GAREM1: variants seen among roughly 807,000 people sequenced by gnomAD.
The protein encoded by GAREM1 is GRB2 associated regulator of MAPK1 subtype 1.
Under a neutral mutation model 71.3 loss-of-function variants are expected in GAREM1, and 26 were observed. The ratio of observed to expected loss-of-function variants is 0.36; its 90% CI spans 0.27 to 0.51. GAREM1 has a LOEUF of 0.51. GAREM1 is among the 20% of genes least tolerant of loss of function. The pLI, the probability that GAREM1 is intolerant of heterozygous loss-of-function variation, is 0.95. For missense variants in GAREM1, 1,026 were observed against 1,103.1 expected, an observed-to-expected ratio of 0.93 and a Z score of 0.99; for synonymous variants, 440 against 433.2, an observed-to-expected ratio of 1.02 and a Z score of -0.20.
intron 1 of GAREM1, among the ~76,000 whole-genome samples, chr18:32,399,077 T>A (rs916617338): frequency 6.6e-6 from 1 of 152,184 alleles, no homozygotes; most frequent in Non-Finnish European, 1.5e-5. Flanking sequence ...AACCACATGG[T>A]TATCTCAACA....
intron 2 of GAREM1, among the ~76,000 whole-genome samples, chr18:32,336,240 C>G (rs1026608285): frequency 1.3e-5 from 2 of 152,020 alleles, no homozygotes; most frequent in Non-Finnish European, 2.9e-5. Flanking sequence ...ACCATCCTGG[C>G]TAAAACGGTG....
intron 2 of GAREM1, among the ~76,000 whole-genome samples, chr18:32,363,927 T>A (rs1402707223): frequency 7.6e-6 from 1 of 131,090 alleles, no homozygotes; most frequent in Non-Finnish European, 1.6e-5. Flanking sequence ...CATAAAAAAA[T>A]ATATATACAC....
intron 1 of GAREM1, among the ~76,000 whole-genome samples, chr18:32,468,384 A>T (rs1417493643): frequency 6.6e-6 from 1 of 152,248 alleles, no homozygotes; most frequent in East Asian, 1.9e-4. Context: ...AAGTGAAAGA[A>T]GCAAGGTATA....
chr18:32,314,526 T>A (rs1481512778), intron 2 of GAREM1, among the ~76,000 whole-genome samples: 1 of 151,952 alleles, frequency 6.6e-6, no homozygotes, highest in Non-Finnish European at 1.5e-5. Context: ...ATTCAACAAC[T>A]CCTAGCTTCT....
At chr18:32,358,038 C>T (rs191297264) in intron 2 of GAREM1, among the ~76,000 whole-genome samples, 4 of 152,194 alleles carry the variant, frequency 2.6e-5, no homozygotes, top group African/African-American at 7.2e-5. Flanking sequence ...AAACCTGCCT[C>T]CTCACTTCAG....
chr18:32,315,286 C>A (rs1180805901), intron 2 of GAREM1, among the ~76,000 whole-genome samples: 1 of 151,762 alleles, frequency 6.6e-6, no homozygotes, highest in Admixed American at 6.6e-5. Flanking sequence ...AGAAATATAA[C>A]AAGCCACATG....
chr18:32,429,505 T>C (rs926012680), intron 1 of GAREM1, among the ~76,000 whole-genome samples: 1 of 152,226 alleles, frequency 6.6e-6, no homozygotes, highest in East Asian at 1.9e-4. Context: ...TATTCCATTA[T>C]AGCCATAGTC....
In GAREM1 at chr18:32,333,287, T is replaced by C. The variant is rs572781226; in HGVS notation, c.263-22964A>G. 1.1e-3 allele frequency among the ~76,000 whole-genome samples: 166 copies of C among 151,716 alleles called. 1 individual carries two copies. Among genetic ancestry groups the C allele is most frequent in the African/African-American group, 3.7e-3 (155 of 41,338 alleles). ...CAGGCACTGAATCTTCACGTCAACA[T>C]AGTGGATGGACCAAAAAAAGAGAAA... is the stretch of plus-strand genomic sequence containing the variant. On this transcript the variant is annotated intron_variant, in intron 2 of 5. Transcript: ENST00000269209.
chr18:32,356,206 G>A (rs1289879449), intron 2 of GAREM1, among the ~76,000 whole-genome samples: 2 of 152,094 alleles, frequency 1.3e-5, no homozygotes, highest in Non-Finnish European at 2.9e-5. Context: ...ACTTTTCCTT[G>A]AGAAAATGAG....
intron 2 of GAREM1, among the ~76,000 whole-genome samples, chr18:32,381,073 A>G (rs2048092748): frequency 1.3e-5 from 2 of 151,862 alleles, no homozygotes; most frequent in Admixed American, 1.3e-4. Flanking sequence ...AAAACTATCA[A>G]ATCTTTATGG....
rs551299647 is a variant in GAREM1 at position 32,371,315 on chromosome 18, T to C, written c.262+21580A>G. Among the ~76,000 whole-genome samples, 11 of 152,314 alleles carry C rather than the reference T, an allele frequency of 7.2e-5. No homozygotes were observed. The East Asian group carries it at 1.7e-3, about 24-fold the overall frequency. ...ATTTATGCCAAAAGTTAGAGGTGGA[T>C]AGATTTTAAATACTGTGTTTTTAAA... On this transcript the variant is annotated intron_variant, in intron 2 of 5. Coordinates refer to ENST00000269209, the MANE Select transcript of GAREM1 (RefSeq NM_001242409.2).
rs574492278 is a variant in GAREM1, at chr18:32,427,404, T to C, written c.122-34369A>G. Among the ~76,000 whole-genome samples, 8 of 152,306 alleles carry C rather than the reference T, an allele frequency of 5.3e-5. No homozygotes were observed. In the South Asian group the frequency reaches 8.3e-4, roughly 16 times the overall value. ...AAGTAACCAGCCCCAAATCATTCTG[T>C]TAATAAATGACAGAGCTGGAGAGAG... is the stretch of plus-strand genomic sequence containing the variant. On this transcript the variant is annotated intron_variant, in intron 1 of 5. Transcript: ENST00000269209.
In GAREM1 at chr18:32,470,337, C is replaced by T; in HGVS notation, c.92G>A (p.Arg31Gln). Residue 31 changes from arginine to glutamine, a missense_variant, in exon 1 of 6, where the codon CGG becomes CAG. This residue lies in a region of GAREM1 where 172 missense variants were observed against 175.2 expected (regional missense o/e 0.98). Coordinates refer to ENST00000269209, the MANE Select transcript of GAREM1 (RefSeq NM_001242409.2). This position sits in a 1 kb window ranked among gnomAD's most constrained non-coding sequence, Gnocchi z 4.4. ...GTCCAGGCGCGCGATCTGGGGCAGC[C>T]GGTAAGTGCTGACCAGGAGGTCGAG... ...VPLDLLVSTY[R>Q]LPQIARLDNG... 4 of 1,565,274 alleles carry T rather than the reference C, an allele frequency of 2.6e-6. No individual in the cohort carries two copies. Among genetic ancestry groups the T allele is most frequent in the Non-Finnish European group, 3.5e-6 (4 of 1,158,156 alleles).
At chr18:32,446,169 C>T (rs1480300959) in intron 1 of GAREM1, among the ~76,000 whole-genome samples, 37 of 152,108 alleles carry the variant, frequency 2.4e-4, no homozygotes, top group African/African-American at 8.9e-4. Context: ...TACTAGTACA[C>T]AATAAATGGC....
At position 32,393,017 on chromosome 18, in the gene GAREM1, A is replaced by G. The variant is rs761422995; in HGVS notation, c.140T>C (p.Leu47Pro). 6.2e-7 allele frequency: 1 copy of G among 1,613,756 alleles called. No homozygotes were observed. Residue 47 changes from leucine (L) to proline (P), a missense_variant, in exon 2 of 6, where the codon CTG (leucine) becomes CCG (proline). Physicochemically the swap from Leu to Pro is moderately conservative, Grantham distance 98. Around this residue, in one of 3 missense-constraint regions of GAREM1, gnomAD observed 172 missense variants for 175.2 expected, o/e 0.98. Coordinates refer to ENST00000269209, the MANE Select transcript of GAREM1 (RefSeq NM_001242409.2). ...RLDNGECVEGLRENDYLLIHS... is the reference protein window; with the variant it reads ...RLDNGECVEGPRENDYLLIHS... ...AATCAGCAGATAGTCATTTTCCCGC[A>G]GCCCTTCTACGCACTCTCCTAGGAA... is the stretch of plus-strand genomic sequence containing the variant.
intron 1 of GAREM1, among the ~76,000 whole-genome samples, chr18:32,433,427 C>G (rs574871938): frequency 4.0e-5 from 6 of 150,614 alleles, no homozygotes; most frequent in Non-Finnish European, 8.9e-5. Context: ...ACTAGAAGTT[C>G]TAACTACTGC....
intron 1 of GAREM1, chr18:32,412,038 A>T (rs1050973198): frequency 5.8e-6 from 4 of 684,328 alleles, no homozygotes; most frequent in African/African-American, 3.5e-5. Context: ...AATTAGTCAC[A>T]AACACAGTCC....
At chr18:32,455,793 T>C (rs1487898301) in intron 1 of GAREM1, among the ~76,000 whole-genome samples, 7 of 152,140 alleles carry the variant, frequency 4.6e-5, no homozygotes, top group African/African-American at 1.2e-4. Flanking sequence ...ACAAAATAAT[T>C]GTTTTCCGAT....
At chr18:32,291,859 T>C (rs1451998315) in intron 3 of GAREM1, among the ~76,000 whole-genome samples, 1 of 152,222 alleles carries the variant, frequency 6.6e-6, no homozygotes, top group African/African-American at 2.4e-5. Flanking sequence ...CCATGGTATA[T>C]ATCTGCCACA....
Sources: allele counts gnomAD v4.1 joint callset (sites outside exome capture counted in the v4.1 genomes callset), GRCh38; gene constraint gnomAD v4.1.1; regional missense constraint gnomAD v4.1.1; non-coding constraint Gnocchi (gnomAD v3.1); transcripts MANE v1.5; gene names NCBI Gene and HGNC (gene_info 2026-07-23, HGNC 2026-07-21).